SH3GL2: variants seen among roughly 807,000 people sequenced by gnomAD.
The protein encoded by SH3GL2 is endophilin-A1.
A neutral mutation model predicts 46.0 loss-of-function variants in SH3GL2; 24 were observed. The observed-to-expected ratio is 0.52, with a 90% confidence interval of 0.38 to 0.73. The LOEUF (loss-of-function observed/expected upper bound fraction) is 0.73. Among genes scored for constraint, SH3GL2 ranks in the 30% least tolerant of loss-of-function variants. The pLI, the probability that SH3GL2 is intolerant of heterozygous loss-of-function variation, is 0.00. For synonymous variants in SH3GL2, 196 were observed against 147.1 expected (o/e 1.33, Z -2.40); for missense variants, 413 against 424.2 (o/e 0.97, Z 0.23).
chr9:17,747,247 T>C, intron 2 of SH3GL2, 113 bp downstream of exon 2: 1 of 599,308 alleles, frequency 1.7e-6, no homozygotes, highest in South Asian at 2.5e-5. Context: ...CTGAGAATAC[T>C]ACATTTTGTT....
intron 2 of SH3GL2, among the ~76,000 whole-genome samples, chr9:17,748,248 C>T (rs1044578997): frequency 6.6e-6 from 1 of 152,126 alleles, no homozygotes; most frequent in Non-Finnish European, 1.5e-5. Context: ...TGCACAGAAA[C>T]ATTTTAGGTC....
chr9:17,660,977 C>G (rs546066240), intron 1 of SH3GL2, among the ~76,000 whole-genome samples: 22 of 152,130 alleles, frequency 1.4e-4, no homozygotes, highest in African/African-American at 4.8e-4. Flanking sequence ...GCCTGACCAA[C>G]GTGGTGAAAC....
intron 2 of SH3GL2, among the ~76,000 whole-genome samples, chr9:17,753,132 A>G (rs57286869): frequency 0.028 from 4,314 of 152,262 alleles, 206 homozygotes; most frequent in African/African-American, 0.099. Flanking sequence ...GGTTGATTCC[A>G]TGTCTTTGCT....
At chr9:17,755,908 C>G in intron 2 of SH3GL2, 3 of 256,846 alleles carry the variant, frequency 1.2e-5, no homozygotes, top group Non-Finnish European at 1.8e-5. Flanking sequence ...AGTATCTTGT[C>G]TCTAAAGACT....
intron 1 of SH3GL2, among the ~76,000 whole-genome samples, chr9:17,739,566 C>G (rs1351572078): frequency 6.6e-6 from 1 of 152,096 alleles, no homozygotes; most frequent in African/African-American, 2.4e-5. Context: ...TAAATTGCCC[C>G]TTATCTGATG....
At chr9:17,622,760 C>T (rs1819172323) in intron 1 of SH3GL2, among the ~76,000 whole-genome samples, 1 of 152,162 alleles carries the variant, frequency 6.6e-6, no homozygotes, top group East Asian at 1.9e-4. Flanking sequence ...TCAGAGCAGG[C>T]ACGGTAAGTA....
chr9:17,721,412 T>C (rs539188522), intron 1 of SH3GL2, among the ~76,000 whole-genome samples: 1 of 152,150 alleles, frequency 6.6e-6, no homozygotes, highest in Non-Finnish European at 1.5e-5. Context: ...CTTTTTTATA[T>C]GTATATTTTA....
At chr9:17,666,105 C>G (rs188314492) in intron 1 of SH3GL2, among the ~76,000 whole-genome samples, 186 of 151,704 alleles carry the variant, frequency 1.2e-3, no homozygotes, top group African/African-American at 3.8e-3. Context: ...AAAAAGTAAC[C>G]TAATGACTAG....
rs549934529 is a variant in SH3GL2 at position 17,784,153 on chromosome 9, C to G, written c.188-2228C>G. Reference sequence around the variant, plus strand: ...TTTTTAATCATTTGAAGTAGATAAGCTAGTAGAAAATGGCTTTCTTCCTCC... The same window carrying G: ...TTTTTAATCATTTGAAGTAGATAAGGTAGTAGAAAATGGCTTTCTTCCTCC... On this transcript the variant is annotated intron_variant, in intron 3 of 8. Coordinates refer to ENST00000380607, the MANE Select transcript of SH3GL2 (RefSeq NM_003026.5). 2.0e-5 allele frequency among the ~76,000 whole-genome samples: 3 copies of G among 152,014 alleles called. No individual in the cohort carries two copies. In the South Asian group the frequency reaches 6.2e-4, roughly 32 times the overall value.
intron 3 of SH3GL2, among the ~76,000 whole-genome samples, chr9:17,768,408 A>G (rs570839199): frequency 7.9e-5 from 12 of 151,846 alleles, no homozygotes; most frequent in African/African-American, 2.4e-4. Flanking sequence ...ATTCTTAATC[A>G]TAACAAATAT....
rs992778090 is a variant in SH3GL2 at position 17,601,295 on chromosome 9, G to GA, written c.45+22011dup. ...CTAAAGGACATACAGCAAGATGGGTGAAAGGTGGAAAAAATAAACACAGGG... is the reference window on the plus strand; with the variant it reads ...CTAAAGGACATACAGCAAGATGGGTGAAAAGGTGGAAAAAATAAACACAGGG... On this transcript the variant is annotated intron_variant, in intron 1 of 8. Coordinates refer to ENST00000380607, the MANE Select transcript of SH3GL2 (RefSeq NM_003026.5). 1.2e-3 allele frequency among the ~76,000 whole-genome samples: 189 copies of GA among 152,148 alleles called. 1 individual carries two copies. Among genetic ancestry groups the GA allele is most frequent in the Non-Finnish European group, 1.7e-3 (114 of 68,008 alleles).
intron 1 of SH3GL2, among the ~76,000 whole-genome samples, chr9:17,662,933 A>G (rs956880741): frequency 6.6e-6 from 1 of 151,896 alleles, no homozygotes; most frequent in Non-Finnish European, 1.5e-5. Context: ...CTGGTCTCCA[A>G]CTCCTGACCT....
At chr9:17,679,878 T>C (rs1820722804) in intron 1 of SH3GL2, among the ~76,000 whole-genome samples, 1 of 152,154 alleles carries the variant, frequency 6.6e-6, no homozygotes, top group African/African-American at 2.4e-5. Context: ...CTGCATCTCT[T>C]GAGATAATCA....
chr9:17,745,827 T>G (rs1414937287), intron 1 of SH3GL2, among the ~76,000 whole-genome samples: 1 of 152,162 alleles, frequency 6.6e-6, no homozygotes, highest in Non-Finnish European at 1.5e-5. Flanking sequence ...TTAAAGACCC[T>G]CAACCTAGCT....
intron 1 of SH3GL2, among the ~76,000 whole-genome samples, chr9:17,712,224 T>C (rs1821645002): frequency 6.6e-6 from 1 of 151,888 alleles, no homozygotes; most frequent in Admixed American, 6.6e-5. Context: ...TTCTTTATCA[T>C]AGATATGCTT....
At chr9:17,727,788 G>A (rs1453645324) in intron 1 of SH3GL2, among the ~76,000 whole-genome samples, 2 of 152,114 alleles carry the variant, frequency 1.3e-5, no homozygotes, top group East Asian at 1.9e-4. Context: ...CTTGGTGACC[G>A]GCTCCAGAAC....
chr9:17,653,065 T>C (rs1046635769), intron 1 of SH3GL2, among the ~76,000 whole-genome samples: 2 of 152,210 alleles, frequency 1.3e-5, no homozygotes, highest in African/African-American at 4.8e-5. Context: ...CACTTAACAT[T>C]GACTGGTTGA....
chr9:17,751,559 C>G (rs892003901), intron 2 of SH3GL2, among the ~76,000 whole-genome samples: 2 of 151,932 alleles, frequency 1.3e-5, no homozygotes, highest in Non-Finnish European at 2.9e-5. Flanking sequence ...GTTTGACCCC[C>G]TTGTTCCCAC....
chr9:17,775,874 A>G (rs1211631252), intron 3 of SH3GL2, among the ~76,000 whole-genome samples: 1 of 152,210 alleles, frequency 6.6e-6, no homozygotes, highest in East Asian at 1.9e-4. Context: ...ACTCACACCA[A>G]GGGTGGGGGT....
Sources: allele counts gnomAD v4.1 joint callset (sites outside exome capture counted in the v4.1 genomes callset), GRCh38; gene constraint gnomAD v4.1.1; transcripts MANE v1.5; gene names NCBI Gene and HGNC (gene_info 2026-07-23, HGNC 2026-07-21).